Variants in MS4A6A observed in about 807,000 individuals in gnomAD.
MS4A6A encodes the protein membrane spanning 4-domains A6A.
In MS4A6A, 19 loss-of-function variants were observed where a neutral mutation model predicts 20.6. That is an observed-to-expected ratio of 0.92 (90% CI 0.64 to 1.36). The LOEUF (loss-of-function observed/expected upper bound fraction) is 1.36. Among genes scored for constraint, MS4A6A ranks in the 40% most tolerant of loss-of-function variants. The probability of loss-of-function intolerance (pLI) is 0.00; values close to 1 mark genes in which losing one functional copy is unlikely to be tolerated. For missense variants in MS4A6A, 272 were observed against 261.1 expected (o/e 1.04, Z -0.29); for synonymous variants, 108 against 105.0 (o/e 1.03, Z -0.17).
chr11:60,173,584 C>A (rs536694896), intron 5 of MS4A6A, among the ~76,000 whole-genome samples: 6 of 152,330 alleles, frequency 3.9e-5, no homozygotes, highest in Admixed American at 6.5e-5. Flanking sequence ...ACTAACATTT[C>A]TTTCTCAGAA....
chr11:60,181,198 C>T, intron 2 of MS4A6A: 1 of 375,446 alleles, frequency 2.7e-6, no homozygotes, highest in South Asian at 2.1e-5. Context: ...CTCTAATTTG[C>T]AGTGAGGGAA....
At chr11:60,182,156 C>T (rs544191272) in intron 1 of MS4A6A, among the ~76,000 whole-genome samples, 6 of 152,274 alleles carry the variant, frequency 3.9e-5, no homozygotes, top group East Asian at 1.9e-4. Context: ...TATTTATTAG[C>T]ACTCAGATAT....
chr11:60,179,653 G>A (rs1378068033), intron 3 of MS4A6A, 178 bp downstream of exon 3: 3 of 694,506 alleles, frequency 4.3e-6, no homozygotes, highest in African/African-American at 3.6e-5. Context: ...AGTCTGATAA[G>A]AAATTGATCT....
chr11:60,179,810 C>A (rs749633289), intron 3 of MS4A6A, 21 bp downstream of exon 3: 1 of 1,613,974 alleles, frequency 6.2e-7, no homozygotes, highest in Non-Finnish European at 8.5e-7. Flanking sequence ...CCATCCTGCC[C>A]TCCTCAGAAA....
At chr11:60,175,670 C>T (rs1157276168) in intron 4 of MS4A6A, 59 bp from the exon 5 acceptor site, 18 of 1,548,770 alleles carry the variant, frequency 1.2e-5, no homozygotes, top group Admixed American at 6.8e-5. Flanking sequence ...TGTTATGCAT[C>T]TTTGCCATTA....
At chr11:60,175,769 C>A (rs561431189) in intron 4 of MS4A6A, among the ~76,000 whole-genome samples, 158 bp from the exon 5 acceptor site, 29 of 152,276 alleles carry the variant, frequency 1.9e-4, no homozygotes, top group African/African-American at 6.7e-4. Flanking sequence ...CAGCAAAAAT[C>A]TCTCAATCTC....
upstream of MS4A6A, chr11:60,184,384 A>C: frequency 6.6e-6 from 1 of 152,212 alleles, no homozygotes; most frequent in Non-Finnish European, 1.5e-5. Flanking sequence ...GGTGCCCTGC[A>C]TCTTTGTCAC....
chr11:60,172,368 G>A, downstream of MS4A6A: 1 of 1,473,772 alleles, frequency 6.8e-7, no homozygotes, highest in Non-Finnish European at 9.0e-7. Flanking sequence ...AAGATAAGTA[G>A]AGCATATCAC....
At chr11:60,179,394 A>C (rs1364800534) in intron 3 of MS4A6A, 1 of 414,950 alleles carries the variant, frequency 2.4e-6, no homozygotes, top group Non-Finnish European at 4.3e-6. Flanking sequence ...CAAAATGCTC[A>C]GAGGTGTAAG....
chr11:60,184,454 G>A (rs1161864786), upstream of MS4A6A: 1 of 152,168 alleles, frequency 6.6e-6, no homozygotes, highest in African/African-American at 2.4e-5. Flanking sequence ...GATTAAAAAG[G>A]AGCCCAGTCT....
chr11:60,179,261 G>A (rs547607001), intron 3 of MS4A6A, among the ~76,000 whole-genome samples: 1 of 152,292 alleles, frequency 6.6e-6, no homozygotes, highest in Admixed American at 6.5e-5. Context: ...CTGAGGAAAG[G>A]ACTACTAAGT....
intron 3 of MS4A6A, 172 bp downstream of exon 3, chr11:60,179,659 G>T (rs767420851): frequency 1.4e-6 from 1 of 707,026 alleles, no homozygotes; most frequent in South Asian, 1.5e-5. Context: ...ATAAGAAATT[G>T]ATCTAAAATC....
downstream of MS4A6A, among the ~76,000 whole-genome samples, chr11:60,171,837 G>T (rs751470085): frequency 6.6e-6 from 1 of 152,102 alleles, no homozygotes; most frequent in Non-Finnish European, 1.5e-5. Flanking sequence ...TGATCATTCT[G>T]TCTAGTTTTC....
At chr11:60,173,378 T>C (rs192897067) in intron 5 of MS4A6A, among the ~76,000 whole-genome samples, 88 of 152,332 alleles carry the variant, frequency 5.8e-4, no homozygotes, top group Non-Finnish European at 1.1e-3. Flanking sequence ...CATACACTTA[T>C]TTCTTACTTC....
chr11:60,181,527 C>G, intron 2 of MS4A6A, 54 bp downstream of exon 2: 1 of 1,596,940 alleles, frequency 6.3e-7, no homozygotes, highest in Non-Finnish European at 8.6e-7. Flanking sequence ...AGACATATAT[C>G]ATCTCTTGGC....
rs1441590427 is a variant in MS4A6A at position 60,182,985 on chromosome 11, C to A, written c.-22G>T. 1 of 1,379,294 alleles carries A rather than the reference C, an allele frequency of 7.3e-7. No homozygotes were observed. The highest frequency in any genetic ancestry group is 9.3e-7 in the Non-Finnish European group (1 of 1,072,118). 85.4% of individuals were successfully genotyped at this position (1,379,294 alleles called of 1,614,324 possible). Reference sequence around the variant, plus strand: ...TCTTCCAGCATTACCTACCTGTGCCCGTTGGTTCCAGCTGAGTCCTCAGAA... The same window carrying A: ...TCTTCCAGCATTACCTACCTGTGCCAGTTGGTTCCAGCTGAGTCCTCAGAA... On this transcript the variant is annotated 5_prime_UTR_variant, in exon 1 of 6. Coordinates refer to ENST00000528851, the MANE Select transcript of MS4A6A (RefSeq NM_022349.4).
At position 60,181,756 on chromosome 11, in the gene MS4A6A, A is replaced by C. The variant is rs757218876; in HGVS notation, c.-14-15T>G. The C allele has an allele frequency of 6.8e-5, 109 of 1,612,856 alleles. No homozygotes were observed. Among genetic ancestry groups the C allele is most frequent in the Non-Finnish European group, 9.1e-5 (107 of 1,179,236 alleles). ...GGTGTTGCCAACTATGTAAGAAAAA[A>C]TAGATTTAGCTCTTAAAAAGTACAG... is the stretch of plus-strand genomic sequence containing the variant. On this transcript the variant is annotated splice_polypyrimidine_tract_variant and intron_variant, in intron 1 of 5. Coordinates refer to ENST00000528851, the MANE Select transcript of MS4A6A (RefSeq NM_022349.4).
At chr11:60,181,263 T>G (rs1437350434) in intron 2 of MS4A6A, 1 of 418,278 alleles carries the variant, frequency 2.4e-6, no homozygotes, top group Non-Finnish European at 4.5e-6. Context: ...GTGGAATATA[T>G]ACACATACAC....
chr11:60,180,930 C>T, intron 2 of MS4A6A: 1 of 418,808 alleles, frequency 2.4e-6, no homozygotes, highest in Non-Finnish European at 4.7e-6. Context: ...GGCAAGGAAA[C>T]CAGTCCCACC....
Sources: allele counts gnomAD v4.1 joint callset (sites outside exome capture counted in the v4.1 genomes callset), GRCh38; gene constraint gnomAD v4.1.1; transcripts MANE v1.5; gene names NCBI Gene and HGNC (gene_info 2026-07-23, HGNC 2026-07-21).